Variants in RAB27A observed in about 807,000 individuals in gnomAD.
The protein encoded by RAB27A is RAB27A, member RAS oncogene family, also known as ras-related protein Rab-27A.
A neutral mutation model predicts 20.8 loss-of-function variants in RAB27A; 17 were observed. The observed-to-expected ratio is 0.82, with a 90% CI of 0.56 to 1.23. The LOEUF (loss-of-function observed/expected upper bound fraction) is 1.23, where lower values mean the gene tolerates loss of function less well. RAB27A is among the 50% of genes most tolerant of loss of function. The probability of loss-of-function intolerance (pLI) is 0.00; values close to 1 mark genes in which losing one functional copy is unlikely to be tolerated. For synonymous variants in RAB27A, 85 were observed against 92.8 expected, an observed-to-expected ratio of 0.92 and a Z score of 0.48; for missense variants, 277 against 266.7, an observed-to-expected ratio of 1.04 and a Z score of -0.27.
chr15:55,315,015 CA>C (rs1195832093), intron 1 of RAB27A, among the ~76,000 whole-genome samples: 2 of 152,112 alleles, frequency 1.3e-5, no homozygotes, highest in African/African-American at 4.8e-5. Context: ...TCAAACTATA[CA>C]AAAAGGCTAT....
chr15:55,260,627 A>G (rs1240798115), intron 2 of RAB27A, among the ~76,000 whole-genome samples: 1 of 152,264 alleles, frequency 6.6e-6, no homozygotes, highest in Non-Finnish European at 1.5e-5. Context: ...TGAGCTATCA[A>G]GCCATGAAAA....
chr15:55,229,626 G>A (rs533424474), intron 4 of RAB27A, among the ~76,000 whole-genome samples: 1 of 151,566 alleles, frequency 6.6e-6, no homozygotes, highest in South Asian at 2.1e-4. Context: ...GGTGAGCTGA[G>A]ATCACGTCAG....
intron 2 of RAB27A, among the ~76,000 whole-genome samples, chr15:55,240,078 G>T (rs1337010968): frequency 2.6e-5 from 4 of 152,006 alleles, no homozygotes; most frequent in Non-Finnish European, 5.9e-5. Context: ...CTCAATTGAT[G>T]GTATATTTTC....
intron 2 of RAB27A, among the ~76,000 whole-genome samples, chr15:55,243,531 C>A (rs1896573118): frequency 6.6e-6 from 1 of 151,858 alleles, no homozygotes; most frequent in South Asian, 2.1e-4. Flanking sequence ...TGGCAGGCAC[C>A]TGTAATCCCA....
At chr15:55,273,416 A>AT (rs537760336) in intron 1 of RAB27A, among the ~76,000 whole-genome samples, 191 of 150,544 alleles carry the variant, frequency 1.3e-3, no homozygotes, top group African/African-American at 4.5e-3. Context: ...CTCAAAAAAA[A>AT]AAAAATAAAA....
intron 4 of RAB27A, among the ~76,000 whole-genome samples, chr15:55,228,928 CAAG>C (rs1180853979): frequency 6.6e-6 from 1 of 152,174 alleles, no homozygotes; most frequent in Admixed American, 6.5e-5. Flanking sequence ...AGAGGGATGA[CAAG>C]AACCAGCTTG....
At chr15:55,308,033 T>C (rs1343001696) in intron 2 of RAB27A, among the ~76,000 whole-genome samples, 1 of 152,170 alleles carries the variant, frequency 6.6e-6, no homozygotes, top group Non-Finnish European at 1.5e-5. Flanking sequence ...CCTCGTGAGG[T>C]TCCCCATTCT....
chr15:55,233,983 T>G (rs1896150190), intron 3 of RAB27A, among the ~76,000 whole-genome samples: 1 of 152,116 alleles, frequency 6.6e-6, no homozygotes. Flanking sequence ...TAGAATAAAA[T>G]ACTAGAATGG....
chr15:55,210,911 G>A (rs1265676176), intron 6 of RAB27A, among the ~76,000 whole-genome samples: 1 of 151,980 alleles, frequency 6.6e-6, no homozygotes, highest in Admixed American at 6.6e-5. Flanking sequence ...CGATATTTAA[G>A]TTTTAATTCA....
At chr15:55,283,136 G>C (rs1301406414) in intron 1 of RAB27A, among the ~76,000 whole-genome samples, 1 of 152,146 alleles carries the variant, frequency 6.6e-6, no homozygotes, top group East Asian at 1.9e-4. Context: ...ATTTTAGGCA[G>C]GATAATCCTT....
intron 2 of RAB27A, among the ~76,000 whole-genome samples, chr15:55,252,915 A>G (rs2141041687): frequency 6.6e-6 from 1 of 151,988 alleles, no homozygotes; most frequent in African/African-American, 2.4e-5. Context: ...CGGGTGGATC[A>G]CGAGGTCAAG....
chr15:55,309,810 G>C (rs1037931967), intron 2 of RAB27A, among the ~76,000 whole-genome samples: 2 of 152,048 alleles, frequency 1.3e-5, no homozygotes, highest in African/African-American at 4.8e-5. Context: ...TTGGGTTTCT[G>C]TACTCCTAAA....
Position 55,212,778 on chromosome 15 carries a change from C to T in RAB27A, c.468-7073G>A, listed in dbSNP as rs566331109. ...TCTCCTGACCTCGTGATCCACCCGCCTCGGCCTCCCAAAGTGCTGGGATTA... is the reference window on the plus strand; with the variant it reads ...TCTCCTGACCTCGTGATCCACCCGCTTCGGCCTCCCAAAGTGCTGGGATTA... On this transcript the variant is annotated intron_variant, in intron 6 of 6. Transcript: ENST00000336787. Among the ~76,000 whole-genome samples the T allele has an allele frequency of 2.6e-5, 4 of 152,330 alleles. No individual in the cohort carries two copies. In the South Asian group the frequency reaches 8.3e-4, roughly 32 times the overall value.
Position 55,209,909 on chromosome 15 carries a change from T to C in RAB27A, c.468-4204A>G, listed in dbSNP as rs1894879825. Reference sequence around the variant, plus strand: ...GTATACATATATACACATATGTGTGTGTATGTATATACACACATATATGTA... The same window carrying C: ...GTATACATATATACACATATGTGTGCGTATGTATATACACACATATATGTA... On this transcript the variant is annotated intron_variant, in intron 6 of 6. Transcript: ENST00000336787. Among the ~76,000 whole-genome samples the C allele has an allele frequency of 1.2e-4, 15 of 120,812 alleles. 1 individual carries two copies. The highest frequency in any genetic ancestry group is 7.0e-4 in the South Asian group (3 of 4,284). 79.3% of individuals were successfully genotyped at this position (120,812 alleles called of 152,430 possible). A position where few individuals can be genotyped will look rare whatever the true frequency, so the allele number is the denominator to read the frequency against.
At chr15:55,291,796 G>T (rs1391902331), upstream of RAB27A, among the ~76,000 whole-genome samples, 1 of 152,046 alleles carries the variant, frequency 6.6e-6, no homozygotes, top group African/African-American at 2.4e-5. Context: ...ATCAAGTCAG[G>T]CACCCTATTA....
At chr15:55,217,776 G>A (rs1014677533) in intron 6 of RAB27A, among the ~76,000 whole-genome samples, 4 of 148,832 alleles carry the variant, frequency 2.7e-5, no homozygotes, top group African/African-American at 1.0e-4. Context: ...TGCTAATGTA[G>A]CACCACCATG....
intron 6 of RAB27A, among the ~76,000 whole-genome samples, chr15:55,214,245 G>T (rs889740233): frequency 6.6e-6 from 1 of 152,146 alleles, no homozygotes; most frequent in Non-Finnish European, 1.5e-5. Flanking sequence ...GACCATCCTG[G>T]CTAACATGGT....
intron 2 of RAB27A, among the ~76,000 whole-genome samples, chr15:55,296,740 A>G (rs1389105553): frequency 6.6e-6 from 1 of 152,012 alleles, no homozygotes; most frequent in Non-Finnish European, 1.5e-5. Flanking sequence ...TGTGGGTCTG[A>G]GGCCTGCTGC....
chr15:55,263,035 A>C (rs574360616), intron 2 of RAB27A, among the ~76,000 whole-genome samples: 2 of 152,334 alleles, frequency 1.3e-5, no homozygotes, highest in African/African-American at 4.8e-5. Flanking sequence ...GGAGACTGCT[A>C]CTTTTTTCCC....
Sources: allele counts gnomAD v4.1 joint callset (sites outside exome capture counted in the v4.1 genomes callset), GRCh38; gene constraint gnomAD v4.1.1; transcripts MANE v1.5; gene names NCBI Gene and HGNC (gene_info 2026-07-23, HGNC 2026-07-21).